Variants in MAF observed in about 807,000 individuals in gnomAD.
MAF encodes the protein MAF bZIP transcription factor.
In MAF, 10 loss-of-function variants were observed where a neutral mutation model predicts 22.0. That is an observed-to-expected ratio of 0.45 (90% confidence interval 0.28 to 0.77). The LOEUF (loss-of-function observed/expected upper bound fraction) is 0.77, where lower values mean the gene tolerates loss of function less well. Among genes scored for constraint, MAF ranks in the 30% least tolerant of loss-of-function variants. The pLI, the probability that MAF is intolerant of heterozygous loss-of-function variation, is 0.12. For missense variants in MAF, 544 were observed against 548.4 expected (o/e 0.99, Z 0.08); for synonymous variants, 337 against 255.8 (o/e 1.32, Z -3.03).
the MAF span, among the ~76,000 whole-genome samples, chr16:79,301,381 A>G: frequency 5.7e-4 from 87 of 152,088 alleles, no homozygotes; most frequent in African/African-American, 2.0e-3. Flanking sequence ...CGGAAGCTCA[A>G]TTAGTAGCTG....
chr16:79,309,440 A>G, the MAF span, among the ~76,000 whole-genome samples: 1 of 152,220 alleles, frequency 6.6e-6, no homozygotes, highest in Non-Finnish European at 1.5e-5. Context: ...CTACACGCTG[A>G]GCAACCTTAG....
the MAF span, among the ~76,000 whole-genome samples, chr16:79,253,474 C>T: frequency 1.3e-5 from 2 of 152,174 alleles, no homozygotes; most frequent in Non-Finnish European, 2.9e-5. Flanking sequence ...TCTATGTAAT[C>T]CCTTAGGCAG....
chr16:79,338,038 G>A, the MAF span, among the ~76,000 whole-genome samples: 2 of 152,162 alleles, frequency 1.3e-5, no homozygotes, highest in Non-Finnish European at 2.9e-5. Context: ...TAAATAGGAC[G>A]AGTCCCTGTC....
the MAF span, among the ~76,000 whole-genome samples, chr16:79,256,385 C>T: frequency 6.6e-6 from 1 of 151,998 alleles, no homozygotes; most frequent in African/African-American, 2.4e-5. Flanking sequence ...ATTTTACCCC[C>T]TATATTTTAC....
chr16:79,572,758 C>T, the MAF span, among the ~76,000 whole-genome samples: 1 of 152,168 alleles, frequency 6.6e-6, no homozygotes, highest in Non-Finnish European at 1.5e-5. Context: ...TGGCTTGTGT[C>T]CGAGGCAATC....
At chr16:79,467,535 T>C in the MAF span, among the ~76,000 whole-genome samples, 1 of 152,162 alleles carries the variant, frequency 6.6e-6, no homozygotes, top group Non-Finnish European at 1.5e-5. Context: ...AGTGTGTAAG[T>C]AGGATGTGAA....
chr16:79,518,522 C>T, the MAF span, among the ~76,000 whole-genome samples: 1 of 152,200 alleles, frequency 6.6e-6, no homozygotes, highest in Non-Finnish European at 1.5e-5. Flanking sequence ...CTGCAGTCAG[C>T]TGCTTTGGAT....
the MAF span, among the ~76,000 whole-genome samples, chr16:79,534,017 T>A: frequency 1.3e-5 from 2 of 152,302 alleles, no homozygotes; most frequent in East Asian, 3.9e-4. Flanking sequence ...ACTGTCCCCA[T>A]ACTACAAGCT....
the MAF span, among the ~76,000 whole-genome samples, chr16:79,490,905 T>A: frequency 4.7e-5 from 7 of 150,226 alleles, no homozygotes; most frequent in Non-Finnish European, 8.9e-5. Context: ...AGAGGCGGGG[T>A]GATTTACTGA....
the MAF span, among the ~76,000 whole-genome samples, chr16:79,463,961 C>G: frequency 9.9e-6 from 1 of 100,512 alleles, no homozygotes; most frequent in African/African-American, 2.9e-5. Context: ...CTGGAAAGAG[C>G]TGAGGCTTGC....
At chr16:79,388,906 T>C in the MAF span, among the ~76,000 whole-genome samples, 7 of 152,342 alleles carry the variant, frequency 4.6e-5, no homozygotes, top group South Asian at 1.2e-3. Context: ...CTAGCTTGAC[T>C]TGCAGTTTAT....
chr16:79,217,263 A>T, the MAF span, among the ~76,000 whole-genome samples: 2 of 152,236 alleles, frequency 1.3e-5, no homozygotes. Context: ...CAGCAGAGTC[A>T]GGATGTGAAG....
chr16:79,249,235 C>G, the MAF span, among the ~76,000 whole-genome samples: 1 of 152,114 alleles, frequency 6.6e-6, no homozygotes, highest in Non-Finnish European at 1.5e-5. Context: ...GCCTGACCAA[C>G]ATGAAGAAAC....
At chr16:79,415,003 C>T in the MAF span, among the ~76,000 whole-genome samples, 1 of 152,196 alleles carries the variant, frequency 6.6e-6, no homozygotes, top group Non-Finnish European at 1.5e-5. Flanking sequence ...TGCTTCCATC[C>T]AGAGTTGACA....
chr16:79,206,406 C>G, the MAF span: 16 of 152,350 alleles, frequency 1.1e-4, no homozygotes, highest in African/African-American at 3.8e-4. Context: ...ATCTGTATGG[C>G]TTTGGACGAG....
chr16:79,221,653 C>T, the MAF span, among the ~76,000 whole-genome samples: 2 of 152,126 alleles, frequency 1.3e-5, no homozygotes, highest in East Asian at 3.9e-4. Flanking sequence ...ATCATCTGGA[C>T]AGCTGATAAG....
chr16:79,428,760 G>T, the MAF span, among the ~76,000 whole-genome samples: 2 of 151,968 alleles, frequency 1.3e-5, no homozygotes, highest in Non-Finnish European at 2.9e-5. Context: ...TGGGAGTATT[G>T]CTTGAGCCCA....
chr16:79,337,305 C>T, the MAF span, among the ~76,000 whole-genome samples: 1 of 152,178 alleles, frequency 6.6e-6, no homozygotes, highest in East Asian at 1.9e-4. Context: ...GGCATGGTGG[C>T]TCACACCTGT....
the MAF span, among the ~76,000 whole-genome samples, chr16:79,267,927 TG>T: frequency 1.7e-3 from 261 of 151,200 alleles, no homozygotes; most frequent in African/African-American, 6.1e-3. Flanking sequence ...CTCAGGTGCC[TG>T]GGGGTGTGGG....
Sources: allele counts gnomAD v4.1 joint callset (sites outside exome capture counted in the v4.1 genomes callset), GRCh38; gene constraint gnomAD v4.1.1; transcripts MANE v1.5; gene names NCBI Gene and HGNC (gene_info 2026-07-23, HGNC 2026-07-21).